C15orf40: variants seen among roughly 807,000 people sequenced by gnomAD.
The protein encoded by C15orf40 is chromosome 15 open reading frame 40.
Under a neutral mutation model 13.9 loss-of-function variants are expected in C15orf40, and 9 were observed. The observed-to-expected ratio is 0.65, with a 90% CI of 0.39 to 1.13. C15orf40 has a LOEUF of 1.13. Among genes scored for constraint, C15orf40 ranks in the 50% most tolerant of loss-of-function variants. C15orf40 has a pLI of 0.01. For synonymous variants in C15orf40, 95 were observed against 69.2 expected (o/e 1.37, Z -1.85); for missense variants, 225 against 188.5 (o/e 1.19, Z -1.13).
downstream of C15orf40, among the ~76,000 whole-genome samples, chr15:82,991,617 C>A (rs907016472): frequency 1.3e-5 from 2 of 152,142 alleles, no homozygotes; most frequent in Non-Finnish European, 2.9e-5. Flanking sequence ...TCTAGGCCCT[C>A]GAGGTTGACT....
Position 83,010,249 on chromosome 15 carries a change from T to G in C15orf40, c.226A>C (p.Asn76His), listed in dbSNP as rs139912640. 5 of 1,614,064 alleles carry G rather than the reference T, an allele frequency of 3.1e-6. No homozygotes were observed. The highest frequency in any genetic ancestry group is 4.2e-6 in the Non-Finnish European group (5 of 1,180,038). The part of the protein sequence containing the change: ...AIHAKPGSKQ[N>H]AVTDLTAEAV... ...TGTCCAGGTATACCTGTTACAGCAT[T>G]TTGTTTGGAGCCAGGTTTTGCATGG... The change falls in exon 2 of 4, where the codon AAT becomes CAT. Residue 76 changes from asparagine (N) to histidine (H), a missense_variant. Coordinates refer to ENST00000304177, the MANE Select transcript of C15orf40 (RefSeq NM_144597.3).
intron 1 of C15orf40, chr15:83,010,815 G>T: frequency 6.3e-6 from 1 of 159,572 alleles, no homozygotes; most frequent in Admixed American, 6.2e-5. Flanking sequence ...GCTGTGCTAG[G>T]AACTTTCGTT....
chr15:83,008,540 A>C lies in C15orf40; in HGVS notation c.366+8T>G. The C allele has an allele frequency of 1.9e-6, 3 of 1,611,074 alleles. No homozygotes were observed. The highest frequency in any genetic ancestry group is 2.5e-6 in the Non-Finnish European group (3 of 1,179,208). On this transcript the variant is annotated splice_region_variant and intron_variant, in intron 3 of 3. Transcript: ENST00000304177. ...TCTCAAAAAAAAAAAAAAGAGAGCG[A>C]GACCTACCTTATCCAAAACCACATC...
rs2031404537 is a variant in C15orf40 at position 83,001,254 on chromosome 15, G to C, written c.*4343C>G. ...CCTCCAGGGCATAATGAGCCAGGCTGTTCTTTCCCAGGATCTGTCGAAGTA... is the reference window on the plus strand; with the variant it reads ...CCTCCAGGGCATAATGAGCCAGGCTCTTCTTTCCCAGGATCTGTCGAAGTA... On this transcript the variant is annotated 3_prime_UTR_variant, in exon 4 of 4. Transcript: ENST00000304177. The C allele has an allele frequency of 1.4e-5, 14 of 985,358 alleles. No homozygotes were observed. In the South Asian group the frequency reaches 5.6e-4, roughly 40 times the overall value. 61.0% of individuals were successfully genotyped at this position (985,358 alleles called of 1,614,324 possible).
At chr15:83,006,701 T>A (rs1015325143) in intron 3 of C15orf40, among the ~76,000 whole-genome samples, 1 of 152,038 alleles carries the variant, frequency 6.6e-6, no homozygotes, top group Non-Finnish European at 1.5e-5. Flanking sequence ...GCGGGGCGGA[T>A]GTTGCAGTGA....
At chr15:82,993,993 G>A (rs2030958103), downstream of C15orf40, among the ~76,000 whole-genome samples, 2 of 152,256 alleles carry the variant, frequency 1.3e-5, no homozygotes, top group East Asian at 1.9e-4. Flanking sequence ...TGGACTTGGG[G>A]TTATACAGAA....
At chr15:83,009,073 A>T (rs1425149302) in intron 2 of C15orf40, among the ~76,000 whole-genome samples, 1 of 152,186 alleles carries the variant, frequency 6.6e-6, no homozygotes, top group Non-Finnish European at 1.5e-5. Context: ...ACTAGATTGT[A>T]CAAGGTTGTG....
At position 83,011,207 on chromosome 15, in the gene C15orf40, G is replaced by A. The variant is rs1175955937; in HGVS notation, c.111+290C>T. 8.0e-5 allele frequency: 27 copies of A among 338,192 alleles called. No homozygotes were observed. In the Middle Eastern group the frequency reaches 3.0e-3, roughly 38 times the overall value. The allele number at this position is 338,192 out of a possible 1,614,324, so 20.9% of individuals were successfully genotyped here. On this transcript the variant is annotated intron_variant, in intron 1 of 3. Transcript: ENST00000304177. ...GCGGGAACATGAATTGCTGGACTGG[G>A]AGTGCGGGTAGGAGGCCAAAGGTCA...
At chr15:82,990,661 A>C, downstream of C15orf40, 2 of 1,531,024 alleles carry the variant, frequency 1.3e-6, no homozygotes, top group Non-Finnish European at 1.8e-6. Context: ...TAAAGCTGTA[A>C]AATAAGGAAG....
chr15:83,009,763 C>A (rs933548206), intron 2 of C15orf40, among the ~76,000 whole-genome samples: 3 of 152,156 alleles, frequency 2.0e-5, no homozygotes, highest in African/African-American at 7.2e-5. Flanking sequence ...TCTCATCTGA[C>A]AGATGAAAAA....
downstream of C15orf40, among the ~76,000 whole-genome samples, chr15:82,991,403 G>C (rs986952079): frequency 1.5e-4 from 23 of 152,092 alleles, no homozygotes; most frequent in Non-Finnish European, 3.1e-4. Flanking sequence ...AAATTAGCCG[G>C]GTGTGGTGGC....
rs2031359459 is a variant in C15orf40, at chr15:83,000,231, C to G, written c.*5366G>C. 6.6e-6 allele frequency: 1 copy of G among 152,260 alleles called. No individual in the cohort carries two copies. Among genetic ancestry groups the G allele is most frequent in the South Asian group, 2.1e-4 (1 of 4,836 alleles). The allele number at this position is 152,260 out of a possible 1,614,324, so 9.4% of individuals were successfully genotyped here. A position where few individuals can be genotyped will look rare whatever the true frequency, so the allele number is the denominator to read the frequency against. On this transcript the variant is annotated 3_prime_UTR_variant, in exon 4 of 4. Coordinates refer to ENST00000304177, the MANE Select transcript of C15orf40 (RefSeq NM_144597.3). ...GTCTATTTGGCAGTTGTGTTCTTCA[C>G]TCAAGTTAATAAGCTGGCATCTTGA...
chr15:82,990,112 A>C, downstream of C15orf40: 2 of 922,994 alleles, frequency 2.2e-6, no homozygotes, highest in Non-Finnish European at 3.0e-6. Context: ...CTCTGTTACC[A>C]TGAGAAAAGT....
At chr15:83,010,657 T>TG in intron 1 of C15orf40, 1 of 294,322 alleles carries the variant, frequency 3.4e-6, no homozygotes, top group Admixed American at 4.8e-5. Context: ...TCCAATTCCT[T>TG]GGGGGCAGGG....
downstream of C15orf40, chr15:82,990,438 C>T (rs1044092730): frequency 2.2e-5 from 11 of 500,100 alleles, no homozygotes; most frequent in Non-Finnish European, 3.1e-5. Flanking sequence ...TAGATGTGCT[C>T]GTTTCTAAAA....
chr15:82,992,430 CACTT>C (rs898703160), downstream of C15orf40, among the ~76,000 whole-genome samples: 24 of 152,138 alleles, frequency 1.6e-4, no homozygotes, highest in Admixed American at 1.2e-3. Context: ...TTAAGAGAAT[CACTT>C]GAACCTGGGA....
Position 83,001,280 on chromosome 15 carries a change from C to T in C15orf40, c.*4317G>A. On this transcript the variant is annotated 3_prime_UTR_variant, in exon 4 of 4. Transcript: ENST00000304177. ...TTCTTTCCCAGGATCTGTCGAAGTA[C>T]AGCATAGGCAAACCACCTAGCAGTG... is the stretch of plus-strand genomic sequence containing the variant. 2.0e-6 allele frequency: 2 copies of T among 985,476 alleles called. No homozygotes were observed. The highest frequency in any genetic ancestry group is 1.7e-5 in the African/African-American group (1 of 57,382). The allele number at this position is 985,476 out of a possible 1,614,324, so 61.0% of individuals were successfully genotyped here.
intron 1 of C15orf40, 186 bp downstream of exon 1, chr15:83,011,311 A>T: frequency 1.7e-6 from 1 of 581,312 alleles, no homozygotes; most frequent in Non-Finnish European, 2.7e-6. Context: ...AGCGCAGCCT[A>T]CTGAGGCGGG....
At chr15:83,008,947 C>T (rs374274970) in intron 2 of C15orf40, among the ~76,000 whole-genome samples, 1 of 152,130 alleles carries the variant, frequency 6.6e-6, no homozygotes, top group Admixed American at 6.6e-5. Flanking sequence ...TGGGGAATAT[C>T]CTGGATTTAG....
Sources: gnomAD v4.1 joint callset for allele counts (sites outside exome capture counted in the v4.1 genomes callset) on GRCh38, gnomAD v4.1.1 for gene constraint, MANE v1.5 for transcripts, NCBI Gene and HGNC (gene_info 2026-07-23, HGNC 2026-07-21) for gene names.